The following DENND2B variants were observed in gnomAD, a reference collection of about 807,000 sequenced individuals.
DENND2B encodes DENN domain containing 2B, also known as DENN domain-containing protein 2B.
DENND2B carries 32 observed loss-of-function variants against 116.0 expected under a neutral mutation model. The ratio of observed to expected loss-of-function variants is 0.28; its 90% confidence interval spans 0.21 to 0.37. The LOEUF (loss-of-function observed/expected upper bound fraction) is 0.37. Ranked by LOEUF, DENND2B falls within the 10% of genes least tolerant of loss-of-function variation. DENND2B has a pLI of 1.00. For missense variants in DENND2B, 1,276 were observed against 1,477.7 expected (o/e 0.86, Z 2.24); for synonymous variants, 588 against 583.9 (o/e 1.01, Z -0.10).
chr11:8,867,866 A>T (rs1418349725), intron 2 of DENND2B, among the ~76,000 whole-genome samples: 1 of 152,140 alleles, frequency 6.6e-6, no homozygotes, highest in African/African-American at 2.4e-5. Flanking sequence ...TACAGGTGTG[A>T]GCCACAGCAC....
At chr11:8,869,565 G>A (rs1320526585) in intron 2 of DENND2B, among the ~76,000 whole-genome samples, 1 of 152,058 alleles carries the variant, frequency 6.6e-6, no homozygotes. Context: ...GGGAGGCTGA[G>A]GCAGGAGAAT....
chr11:8,791,476 T>C (rs750083747), intron 1 of DENND2B, among the ~76,000 whole-genome samples: 2 of 152,062 alleles, frequency 1.3e-5, no homozygotes, highest in Non-Finnish European at 2.9e-5. Context: ...ATCAGAAATA[T>C]TCTTTTAAGC....
intron 1 of DENND2B, among the ~76,000 whole-genome samples, chr11:8,894,640 A>G (rs1190050195): frequency 6.6e-6 from 1 of 152,212 alleles, no homozygotes; most frequent in Non-Finnish European, 1.5e-5. Flanking sequence ...CAACAGACAC[A>G]TCAAAAAATG....
intron 3 of DENND2B, chr11:8,857,315 A>G (rs934136394): frequency 2.6e-5 from 4 of 152,282 alleles, no homozygotes; most frequent in South Asian, 4.1e-4. Flanking sequence ...AAATAACTAA[A>G]ATGATACTAG....
chr11:8,897,163 A>T (rs1395428597), intron 1 of DENND2B, among the ~76,000 whole-genome samples: 1 of 152,182 alleles, frequency 6.6e-6, no homozygotes, highest in East Asian at 1.9e-4. Context: ...AGGCTGAGGC[A>T]GGAGAATCAC....
At chr11:8,766,805 A>T (rs562354158) in intron 1 of DENND2B, 44 of 575,612 alleles carry the variant, frequency 7.6e-5, no homozygotes, top group African/African-American at 7.3e-4. Context: ...GGGTTGGAGA[A>T]TGTGACAGAG....
intron 1 of DENND2B, among the ~76,000 whole-genome samples, chr11:8,753,853 T>C (rs992985535): frequency 1.3e-5 from 2 of 152,064 alleles, no homozygotes; most frequent in Non-Finnish European, 2.9e-5. Context: ...GATATCCATA[T>C]ACAAAAGAAT....
chr11:8,693,950 A>C lies in DENND2B; in HGVS notation c.*146T>G. 2.8e-6 allele frequency: 2 copies of C among 723,262 alleles called. No individual in the cohort carries two copies. The highest frequency in any genetic ancestry group is 5.1e-5 in the East Asian group (2 of 38,966). 44.8% of individuals were successfully genotyped at this position (723,262 alleles called of 1,614,324 possible). ...GATTATTTACAAACAGTATCCTGGG[A>C]TATGATGAAGGCAGAGGTGGGCTGG... On this transcript the variant is annotated 3_prime_UTR_variant, in exon 20 of 20. Transcript: ENST00000313726.
At chr11:8,825,803 T>C (rs939274595) in intron 4 of DENND2B, among the ~76,000 whole-genome samples, 13 of 152,104 alleles carry the variant, frequency 8.5e-5, no homozygotes, top group African/African-American at 3.1e-4. Context: ...GAAAAAGACC[T>C]GAGGAAAGGT....
Position 8,730,089 on chromosome 11 carries a change from T to G in DENND2B, c.1201A>C (p.Asn401His), listed in dbSNP as rs756996788. The G allele has an allele frequency of 6.2e-7, 1 of 1,614,038 alleles. No individual in the cohort carries two copies. The highest frequency in any genetic ancestry group is 8.5e-7 in the Non-Finnish European group (1 of 1,180,026). The change falls in exon 3 of 20, where the codon AAC (asparagine) becomes CAC (histidine). Residue 401 changes from asparagine to histidine, a missense_variant. Physicochemically the swap from Asn to His is moderately conservative, Grantham distance 68 (BLOSUM62 1). This residue lies in a region of DENND2B where 856 missense variants were observed against 846.6 expected (regional missense o/e 1.01). Coordinates refer to ENST00000313726, the MANE Select transcript of DENND2B (RefSeq NM_213618.2). The surrounding 1 kb of genome is among the most constrained non-coding windows in gnomAD (Gnocchi z 4.1). ...KRTFEYEADK[N>H]PKSKPSNGLP... is the part of the protein sequence containing the mutation. ...CCATTACTGGGCTTACTCTTGGGGT[T>G]CTTGTCAGCCTCGTATTCAAAGGTG...
At chr11:8,708,875 C>T (rs985133529) in intron 11 of DENND2B, among the ~76,000 whole-genome samples, 41 of 150,156 alleles carry the variant, frequency 2.7e-4, no homozygotes, top group Non-Finnish European at 5.8e-4. Context: ...CGCTTGAACC[C>T]GGGAGGTGGA....
At chr11:8,776,187 C>CACACACAA in intron 1 of DENND2B, 1 of 442,340 alleles carries the variant, frequency 2.3e-6, no homozygotes, top group East Asian at 7.0e-5. Flanking sequence ...CACACACACA[C>CACACACAA]CTACCTCTCT....
At position 8,726,167 on chromosome 11, in the gene DENND2B, C is replaced by A; in HGVS notation, c.1383G>T (p.Leu461=). ...EFEDASSLQS[L]YPSSPTENGT... is the part of the protein sequence containing the mutation. ...CATTCTCAGTGGGAGAAGAGGGGTA[C>A]AGGGACTGGAGACTGGATGCATCCT... The change falls in exon 4 of 20, where the codon CTG becomes CTT. Residue 461 remains leucine, a synonymous_variant. Transcript: ENST00000313726. 1 of 1,613,924 alleles carries A rather than the reference C, an allele frequency of 6.2e-7. No individual in the cohort carries two copies. Among genetic ancestry groups the A allele is most frequent in the Non-Finnish European group, 8.5e-7 (1 of 1,179,938 alleles).
chr11:8,719,606 C>G (rs922588607), intron 4 of DENND2B, among the ~76,000 whole-genome samples: 15 of 152,218 alleles, frequency 9.9e-5, no homozygotes, highest in African/African-American at 3.4e-4. Context: ...CCCGGCACCC[C>G]CTGCATGTTT....
At chr11:8,817,281 G>T (rs2316863) in intron 4 of DENND2B, among the ~76,000 whole-genome samples, 102,945 of 152,018 alleles carry the variant, frequency 0.68, 36,867 homozygotes, top group Admixed American at 0.8. Flanking sequence ...TGGGTGCTAT[G>T]AGGGCCTTCA....
chr11:8,829,958 C>A lies in DENND2B; in HGVS notation c.-115+9352G>T, dbSNP rs542308892. 2.0e-5 allele frequency among the ~76,000 whole-genome samples: 3 copies of A among 152,308 alleles called. No homozygotes were observed. The South Asian group carries it at 6.2e-4, about 32-fold the overall frequency. ...GGTCAGAAACGTTGGTGTCTTCCGT[C>A]TTGCCCCTCAAGTTCATCCTTCATG... On this transcript the variant is annotated intron_variant, in intron 4 of 6. Transcript: ENST00000524757.
chr11:8,828,627 CTT>C (rs962039638), intron 4 of DENND2B, among the ~76,000 whole-genome samples: 4 of 152,086 alleles, frequency 2.6e-5, no homozygotes, highest in African/African-American at 9.7e-5. Flanking sequence ...ACCGAGCACT[CTT>C]TTAATAGGAA....
In DENND2B at chr11:8,702,676, C is replaced by G; in HGVS notation, c.2616G>C (p.Val872=). The G allele has an allele frequency of 6.2e-7, 1 of 1,613,980 alleles. No homozygotes were observed. The highest frequency in any genetic ancestry group is 8.5e-7 in the Non-Finnish European group (1 of 1,180,020). Residue 872 remains valine, a synonymous_variant, in exon 14 of 20, where the codon GTG becomes GTC. Transcript: ENST00000313726. This position sits in a 1 kb window ranked among gnomAD's most constrained non-coding sequence, Gnocchi z 4.6. ...GGCAGGTAAAAAGGCACTCAAAGTC[C>G]ACGTGCTCCAGCCTTGAGTCCATGG... ...RRPMDSRLEH[V]DFECLFTCLS...
intron 3 of DENND2B, among the ~76,000 whole-genome samples, chr11:8,853,439 C>T (rs1046288973): frequency 6.6e-6 from 1 of 152,182 alleles, no homozygotes; most frequent in African/African-American, 2.4e-5. Context: ...GAGGACACAG[C>T]CAGAAGGTCC....
Sources: allele counts gnomAD v4.1 joint callset (sites outside exome capture counted in the v4.1 genomes callset), GRCh38; gene constraint gnomAD v4.1.1; regional missense constraint gnomAD v4.1.1; non-coding constraint Gnocchi (gnomAD v3.1); transcripts MANE v1.5; gene names NCBI Gene and HGNC (gene_info 2026-07-23, HGNC 2026-07-21).